Variants in PIN4 observed in about 807,000 individuals in gnomAD.
PIN4 encodes peptidyl-prolyl cis-trans isomerase NIMA-interacting 4.
A neutral mutation model predicts 8.3 loss-of-function variants in PIN4; 3 were observed. That is an observed-to-expected ratio of 0.36 (90% CI 0.16 to 0.93). PIN4 has a LOEUF of 0.93. Among genes scored for constraint, PIN4 ranks in the 40% least tolerant of loss-of-function variants. PIN4 has a pLI of 0.44. For missense variants in PIN4, 75 were observed against 100.6 expected, an observed-to-expected ratio of 0.75 and a Z score of 1.09; for synonymous variants, 18 against 32.5, an observed-to-expected ratio of 0.55 and a Z score of 1.52.
chrX:72,251,789 C>T (rs1428368735), intron 3 of PIN4, among the ~76,000 whole-genome samples: 1 of 110,310 alleles, frequency 9.1e-6, no homozygotes, highest in Admixed American at 9.8e-5. Flanking sequence ...GCAGGAAGCT[C>T]ATGCCTGTAA....
intron 3 of PIN4, chrX:72,204,901 G>C: frequency 1.5e-6 from 1 of 668,496 alleles, no homozygotes; most frequent in Non-Finnish European, 2.1e-6. Flanking sequence ...TGCTTTTTGA[G>C]ATCTTTCTTG....
intron 3 of PIN4, among the ~76,000 whole-genome samples, chrX:72,253,050 G>A (rs771773028): frequency 9.0e-6 from 1 of 111,468 alleles, no homozygotes; most frequent in South Asian, 3.8e-4. Context: ...AGAATTATTG[G>A]TTCCCAACCC....
intron 1 of PIN4, among the ~76,000 whole-genome samples, chrX:72,185,294 C>T (rs1268151286): frequency 9.0e-6 from 1 of 110,682 alleles, no homozygotes; most frequent in African/African-American, 3.3e-5. Context: ...ACTCCCACCT[C>T]AGATTTGGCT....
chrX:72,212,383 C>T (rs2147587258), intron 3 of PIN4, among the ~76,000 whole-genome samples: 1 of 111,968 alleles, frequency 8.9e-6, no homozygotes, highest in Admixed American at 9.5e-5. Context: ...AATCCACCTC[C>T]CTTTGGAACT....
intron 3 of PIN4, chrX:72,238,870 G>T: frequency 8.4e-7 from 1 of 1,196,707 alleles, no homozygotes; most frequent in East Asian, 3.0e-5. Flanking sequence ...CCTGCTCTGG[G>T]CTCAAGGCCT....
At chrX:72,248,291 G>GAAA (rs55908553) in intron 3 of PIN4, among the ~76,000 whole-genome samples, 15 of 54,902 alleles carry the variant, frequency 2.7e-4, no homozygotes, top group Non-Finnish European at 4.2e-4. Flanking sequence ...GCTCCATCCA[G>GAAA]AAAAAAAAAA....
At chrX:72,239,194 T>C in intron 3 of PIN4, 1 of 340,887 alleles carries the variant, frequency 2.9e-6, no homozygotes, top group South Asian at 5.2e-5. Flanking sequence ...AGACACGGAG[T>C]GTGCTGCCTC....
At chrX:72,201,301 A>G (rs1242670177), downstream of PIN4, among the ~76,000 whole-genome samples, 2 of 112,634 alleles carry the variant, frequency 1.8e-5, no homozygotes, top group Admixed American at 9.4e-5. Context: ...AAGTTTTTAA[A>G]TTGTGGCTGG....
chrX:72,204,942 G>T (rs2042807079), intron 3 of PIN4: 2 of 954,908 alleles, frequency 2.1e-6, no homozygotes, highest in Non-Finnish European at 1.4e-6. Flanking sequence ...TGTTCCCAAA[G>T]AATCCAATTA....
At chrX:72,183,898 T>C (rs1399378967) in intron 1 of PIN4, among the ~76,000 whole-genome samples, 3 of 109,467 alleles carry the variant, frequency 2.7e-5, no homozygotes, top group African/African-American at 1.0e-4. Context: ...GGAAAGGAGA[T>C]GGAGGGGCAG....
chrX:72,233,422 TA>T lies in PIN4; in HGVS notation c.313-29282del, dbSNP rs770809488. 2.7e-5 allele frequency among the ~76,000 whole-genome samples: 3 copies of T among 111,706 alleles called. No individual in the cohort carries two copies. The East Asian group carries it at 8.5e-4, about 32-fold the overall frequency. ...GTTGTAGACCTTCTTTGGATCCTGATAAACCATTCAAAAATTTGAGGCTGGG... is the reference window on the plus strand; with the variant it reads ...GTTGTAGACCTTCTTTGGATCCTGATAACCATTCAAAAATTTGAGGCTGGG... On this transcript the variant is annotated intron_variant, in intron 3 of 3. Transcript: ENST00000423432.
intron 3 of PIN4, chrX:72,207,070 G>A (rs370873689): frequency 2.5e-6 from 3 of 1,209,859 alleles, no homozygotes; most frequent in East Asian, 3.0e-5. Flanking sequence ...TCTATCCACA[G>A]CTTGAGCATC....
At chrX:72,206,605 T>C in intron 3 of PIN4, 1 of 1,211,480 alleles carries the variant, frequency 8.3e-7, no homozygotes, top group Non-Finnish European at 1.1e-6. Flanking sequence ...AGTTCTTTGT[T>C]GTTCCATCAG....
chrX:72,242,409 C>T (rs1225465587), intron 3 of PIN4, among the ~76,000 whole-genome samples: 1 of 111,744 alleles, frequency 8.9e-6, no homozygotes, highest in Non-Finnish European at 1.9e-5. Context: ...TTCTTGGTGC[C>T]TTCTGGAGTC....
intron 2 of PIN4, among the ~76,000 whole-genome samples, chrX:72,196,533 CAAA>C (rs11284819): frequency 2.2e-5 from 2 of 89,858 alleles, no homozygotes; most frequent in Non-Finnish European, 2.3e-5. Context: ...GACTCCTTCT[CAAA>C]AAAAAAAAAA....
chrX:72,227,995 A>AT (rs201760101), intron 3 of PIN4, among the ~76,000 whole-genome samples: 2,567 of 112,298 alleles, frequency 0.023, 36 homozygotes, highest in Non-Finnish European at 0.034. Context: ...CCTCTTCCTT[A>AT]TTTGAAGGTG....
chrX:72,239,696 C>A (rs1392926952), intron 3 of PIN4, among the ~76,000 whole-genome samples: 1 of 102,722 alleles, frequency 9.7e-6, no homozygotes, highest in Non-Finnish European at 1.9e-5. Flanking sequence ...CGCTTGGACC[C>A]AGGAGGTGGA....
intron 2 of PIN4, among the ~76,000 whole-genome samples, chrX:72,187,289 A>C (rs925823737): frequency 9.8e-5 from 11 of 112,074 alleles, no homozygotes; most frequent in Admixed American, 9.5e-4. Context: ...TAATTACTTG[A>C]AATACTTAAC....
chrX:72,210,187 G>T (rs991381368), intron 3 of PIN4, among the ~76,000 whole-genome samples: 1 of 69,689 alleles, frequency 1.4e-5, no homozygotes, highest in Non-Finnish European at 2.3e-5. Context: ...ATAACATAGC[G>T]AGACTGTCTC....
Sources: allele counts gnomAD v4.1 joint callset (sites outside exome capture counted in the v4.1 genomes callset), GRCh38; gene constraint gnomAD v4.1.1; transcripts MANE v1.5; gene names NCBI Gene and HGNC (gene_info 2026-07-23, HGNC 2026-07-21).